The following WASF3 variants were observed in gnomAD, a reference collection of about 807,000 sequenced individuals.
WASF3 encodes actin-binding protein WASF3.
In WASF3, 11 loss-of-function variants were observed where a neutral mutation model predicts 46.6. That is an observed-to-expected ratio of 0.24 (90% CI 0.15 to 0.39). The LOEUF (loss-of-function observed/expected upper bound fraction) is 0.39. Ranked by LOEUF, WASF3 falls within the 10% of genes least tolerant of loss-of-function variation. The pLI, the probability that WASF3 is intolerant of heterozygous loss-of-function variation, is 1.00. For synonymous variants in WASF3, 242 were observed against 259.7 expected (o/e 0.93, Z 0.65); for missense variants, 576 against 669.8 (o/e 0.86, Z 1.55).
chr13:26,546,284 A>G, the WASF3 span, among the ~76,000 whole-genome samples: 1 of 152,372 alleles, frequency 6.6e-6, no homozygotes, highest in South Asian at 2.1e-4. Flanking sequence ...GCAGGTGTTA[A>G]TAGTGATTGT....
chr13:26,597,573 C>T (rs1237038262), intron 1 of WASF3, among the ~76,000 whole-genome samples: 1 of 151,994 alleles, frequency 6.6e-6, no homozygotes, highest in Non-Finnish European at 1.5e-5. Context: ...TGTTGGTGTG[C>T]TGCACCCATT....
chr13:26,661,601 A>T (rs1354579525), intron 3 of WASF3, among the ~76,000 whole-genome samples: 1 of 152,156 alleles, frequency 6.6e-6, no homozygotes, highest in African/African-American at 2.4e-5. Flanking sequence ...GTCTCTTCAC[A>T]TCCTTGCTTG....
intron 1 of WASF3, among the ~76,000 whole-genome samples, chr13:26,585,070 G>A (rs1269607960): frequency 6.7e-6 from 1 of 148,834 alleles, no homozygotes; most frequent in Admixed American, 6.9e-5. Flanking sequence ...AAGCAATACT[G>A]TGGAATGCAA....
At chr13:26,672,374 C>A (rs1286316904) in intron 6 of WASF3, among the ~76,000 whole-genome samples, 1 of 152,142 alleles carries the variant, frequency 6.6e-6, no homozygotes, top group Non-Finnish European at 1.5e-5. Flanking sequence ...TGCCTTCTAG[C>A]TGTAATTAAA....
In WASF3 at chr13:26,682,560, A is replaced by G; in HGVS notation, c.984-47A>G. 6.2e-7 allele frequency: 1 copy of G among 1,611,652 alleles called. No individual in the cohort carries two copies. The highest frequency in any genetic ancestry group is 8.5e-7 in the Non-Finnish European group (1 of 1,179,238). ...GGTGTCTAAGAGCTCCCAGGACGTG[A>G]CCCTCTCTTGTTCCCTTGGTGACTA... On this transcript the variant is annotated intron_variant, in intron 8 of 9. Coordinates refer to ENST00000335327, the MANE Select transcript of WASF3 (RefSeq NM_006646.6). The surrounding 1 kb of genome is among the most constrained non-coding windows in gnomAD (Gnocchi z 4.4).
intron 1 of WASF3, among the ~76,000 whole-genome samples, chr13:26,605,732 C>T (rs557440696): frequency 6.6e-6 from 1 of 152,232 alleles, no homozygotes; most frequent in South Asian, 2.1e-4. Flanking sequence ...GCAGAAACAT[C>T]GATTAGATAA....
intron 1 of WASF3, among the ~76,000 whole-genome samples, chr13:26,597,734 C>G (rs576248143): frequency 2.6e-4 from 39 of 152,146 alleles, no homozygotes; most frequent in African/African-American, 7.0e-4. Context: ...TTTGTCCTTG[C>G]GATAGTTTGC....
chr13:26,651,104 T>A (rs968702587), intron 3 of WASF3, among the ~76,000 whole-genome samples: 1 of 152,268 alleles, frequency 6.6e-6, no homozygotes, highest in East Asian at 1.9e-4. Context: ...GGTGGATTAC[T>A]TGAGGCCAGG....
intron 1 of WASF3, among the ~76,000 whole-genome samples, chr13:26,584,074 A>G (rs545043331): frequency 6.6e-5 from 10 of 152,298 alleles, no homozygotes; most frequent in South Asian, 2.1e-4. Context: ...AAGATACGCA[A>G]TTGGTTTTGC....
At chr13:26,549,138 C>G in the WASF3 span, among the ~76,000 whole-genome samples, 1 of 151,928 alleles carries the variant, frequency 6.6e-6, no homozygotes, top group African/African-American at 2.4e-5. Context: ...CGCACCACCA[C>G]GCCCAGCTAA....
At chr13:26,611,711 T>C (rs2137222943) in intron 1 of WASF3, among the ~76,000 whole-genome samples, 1 of 152,286 alleles carries the variant, frequency 6.6e-6, no homozygotes, top group Non-Finnish European at 1.5e-5. Context: ...ACTTTTCTCT[T>C]TTACTCAGCA....
chr13:26,552,708 C>A (rs1246638286), upstream of WASF3, among the ~76,000 whole-genome samples: 1 of 152,164 alleles, frequency 6.6e-6, no homozygotes, highest in East Asian at 1.9e-4. Context: ...TAATTATATT[C>A]TTTTAATTAG....
intron 1 of WASF3, among the ~76,000 whole-genome samples, chr13:26,566,097 T>C (rs968628759): frequency 3.3e-5 from 5 of 152,236 alleles, no homozygotes; most frequent in Non-Finnish European, 5.9e-5. Flanking sequence ...TTTCTTAGGC[T>C]ATTTTGTTTC....
chr13:26,547,218 T>G, the WASF3 span, among the ~76,000 whole-genome samples: 1 of 152,212 alleles, frequency 6.6e-6, no homozygotes. Context: ...ATTTGTTCTT[T>G]GTTTGAATTC....
At chr13:26,566,726 G>A (rs1340247440) in intron 1 of WASF3, among the ~76,000 whole-genome samples, 1 of 152,190 alleles carries the variant, frequency 6.6e-6, no homozygotes, top group African/African-American at 2.4e-5. Flanking sequence ...AGCACACATT[G>A]CTTCTCATCC....
intron 3 of WASF3, among the ~76,000 whole-genome samples, chr13:26,657,819 A>G (rs1257588821): frequency 6.6e-6 from 1 of 152,220 alleles, no homozygotes; most frequent in Non-Finnish European, 1.5e-5. Context: ...TAATTATAAC[A>G]CTATTCTTAT....
upstream of WASF3, among the ~76,000 whole-genome samples, chr13:26,556,340 C>T (rs1049709228): frequency 6.6e-6 from 1 of 152,156 alleles, no homozygotes; most frequent in Admixed American, 6.5e-5. Context: ...ACATGGAAGC[C>T]ATTCCCCTGG....
intron 3 of WASF3, among the ~76,000 whole-genome samples, chr13:26,660,001 C>CAGCATAGAAG (rs1882577460): frequency 1.3e-5 from 2 of 152,032 alleles, no homozygotes; most frequent in Admixed American, 1.3e-4. Flanking sequence ...TAGGAATCAT[C>CAGCATAGAAG]AGCATAGAGG....
At chr13:26,675,481 T>TACACACAC (rs56162218) in intron 6 of WASF3, among the ~76,000 whole-genome samples, 172 of 145,762 alleles carry the variant, frequency 1.2e-3, no homozygotes, top group African/African-American at 4.2e-3. Context: ...TAGACACACA[T>TACACACAC]ACACACACAC....
Sources: allele counts gnomAD v4.1 joint callset (sites outside exome capture counted in the v4.1 genomes callset), GRCh38; gene constraint gnomAD v4.1.1; non-coding constraint Gnocchi (gnomAD v3.1); transcripts MANE v1.5; gene names NCBI Gene and HGNC (gene_info 2026-07-23, HGNC 2026-07-21).